The following PTPRE variants were observed in gnomAD, a reference collection of about 807,000 sequenced individuals.
The protein encoded by PTPRE is receptor-type tyrosine-protein phosphatase epsilon.
In PTPRE, 51 loss-of-function variants were observed where a neutral mutation model predicts 102.0. That is an observed-to-expected ratio of 0.50 (90% confidence interval 0.40 to 0.63). The LOEUF is 0.63. Ranked by LOEUF, PTPRE falls within the 30% of genes least tolerant of loss-of-function variation. The pLI is 0.00. For missense variants in PTPRE, 752 were observed against 915.1 expected (o/e 0.82, Z 2.30); for synonymous variants, 345 against 348.2 (o/e 0.99, Z 0.10).
rs115305139 is a variant in PTPRE at position 127,925,798 on chromosome 10, T to C, written c.-31+18489T>C. Reference sequence around the variant, plus strand: ...AACTGCTTGGCGGAGGGAATGTGAGTGAACAGGAAGGACCTCCCCTGGGAG... The same window carrying C: ...AACTGCTTGGCGGAGGGAATGTGAGCGAACAGGAAGGACCTCCCCTGGGAG... On this transcript the variant is annotated intron_variant, in intron 1 of 20. Transcript: ENST00000254667. Among the ~76,000 whole-genome samples, 1,414 of 151,700 alleles carry C rather than the reference T, an allele frequency of 9.3e-3. 17 individuals are homozygous for C. Among genetic ancestry groups the C allele is most frequent in the African/African-American group, 0.032 (1,330 of 41,338 alleles).
intron 2 of PTPRE, among the ~76,000 whole-genome samples, chr10:128,038,314 C>A (rs562567529): frequency 3.5e-4 from 54 of 152,246 alleles, no homozygotes; most frequent in African/African-American, 1.3e-3. Context: ...TGGGTATATA[C>A]CCAAAGGATT....
In PTPRE at chr10:128,069,804, C is replaced by T. The variant is rs1319318158; in HGVS notation, c.1120C>T (p.Arg374Cys). 1.2e-6 allele frequency: 2 copies of T among 1,614,232 alleles called. No homozygotes were observed. Among genetic ancestry groups the T allele is most frequent in the Non-Finnish European group, 1.7e-6 (2 of 1,180,042 alleles). The change falls in exon 13 of 21, where the codon CGC becomes TGC. Residue 374 changes from arginine (R) to cysteine (C), a missense_variant. By Grantham distance (180) the Arg-to-Cys change is radical. Around this residue, in one of 2 missense-constraint regions of PTPRE, gnomAD observed 636 missense variants for 824.4 expected, o/e 0.77. Coordinates refer to ENST00000254667, the MANE Select transcript of PTPRE (RefSeq NM_006504.6). The part of the protein sequence containing the change: ...FEFVSRIRNQ[R>C]PQMVQTDMQY... ...ATTTGTGTCTCGAATCCGTAATCAG[C>T]GCCCTCAGATGGTTCAAACGGATGT...
chr10:128,011,306 G>T (rs536372538), intron 2 of PTPRE, among the ~76,000 whole-genome samples: 1 of 152,208 alleles, frequency 6.6e-6, no homozygotes, highest in Non-Finnish European at 1.5e-5. Context: ...ACTGTAACAC[G>T]GCGAGTGAAT....
intron 2 of PTPRE, among the ~76,000 whole-genome samples, chr10:128,016,030 A>T (rs1845397452): frequency 6.6e-6 from 1 of 152,048 alleles, no homozygotes; most frequent in Non-Finnish European, 1.5e-5. Context: ...GGAGGTGGAG[A>T]TCAGAATGGT....
intron 3 of PTPRE, among the ~76,000 whole-genome samples, chr10:128,046,732 C>T (rs1848123154): frequency 6.6e-6 from 1 of 152,164 alleles, no homozygotes; most frequent in African/African-American, 2.4e-5. Flanking sequence ...GCTGATGAGC[C>T]AGGGGTGGGT....
chr10:127,997,195 C>A (rs1853355832), intron 2 of PTPRE, among the ~76,000 whole-genome samples: 1 of 152,276 alleles, frequency 6.6e-6, no homozygotes. Context: ...TTGATCAATG[C>A]TTTTCCCGGG....
chr10:128,049,012 C>T (rs371969668), intron 5 of PTPRE, among the ~76,000 whole-genome samples: 3 of 152,196 alleles, frequency 2.0e-5, no homozygotes, highest in Non-Finnish European at 2.9e-5. Context: ...TGCCCCTTGT[C>T]ACCCTCCCCA....
At chr10:128,001,751 G>A (rs1396163094) in intron 2 of PTPRE, among the ~76,000 whole-genome samples, 1 of 152,328 alleles carries the variant, frequency 6.6e-6, no homozygotes. Flanking sequence ...GTATGGGAAG[G>A]TTCTTAGTAT....
chr10:128,017,050 A>G (rs1344277623), intron 2 of PTPRE, among the ~76,000 whole-genome samples: 1 of 152,168 alleles, frequency 6.6e-6, no homozygotes, highest in Non-Finnish European at 1.5e-5. Context: ...CGCATTGAGC[A>G]CCTGCTGTAT....
intron 2 of PTPRE, among the ~76,000 whole-genome samples, chr10:127,989,461 C>T (rs1852416965): frequency 6.6e-6 from 1 of 152,112 alleles, no homozygotes; most frequent in Non-Finnish European, 1.5e-5. Context: ...AGGCAGCAGT[C>T]CAGGCATGCC....
intron 2 of PTPRE, among the ~76,000 whole-genome samples, chr10:128,010,195 T>C (rs187122915): frequency 4.1e-4 from 63 of 152,344 alleles, no homozygotes; most frequent in African/African-American, 1.4e-3. Flanking sequence ...GGGTGGTTTG[T>C]AGCCCCTCTG....
chr10:127,909,239 AT>A (rs1159589429), intron 1 of PTPRE, among the ~76,000 whole-genome samples: 1 of 152,112 alleles, frequency 6.6e-6, no homozygotes, highest in Non-Finnish European at 1.5e-5. Context: ...GTGTGTGTAC[AT>A]CCTTGCCCCT....
chr10:127,935,381 C>A (rs1847774883), intron 1 of PTPRE, among the ~76,000 whole-genome samples: 1 of 152,176 alleles, frequency 6.6e-6, no homozygotes, highest in Admixed American at 6.5e-5. Flanking sequence ...TCAGCCCAAC[C>A]CACATCCCAG....
intron 2 of PTPRE, among the ~76,000 whole-genome samples, chr10:128,030,846 C>T (rs560816081): frequency 4.7e-4 from 72 of 152,250 alleles, no homozygotes; most frequent in African/African-American, 1.6e-3. Context: ...CTCCTTGGAC[C>T]GGCTGACTCC....
intron 1 of PTPRE, among the ~76,000 whole-genome samples, chr10:127,970,377 T>C (rs931504041): frequency 1.3e-5 from 2 of 152,134 alleles, no homozygotes; most frequent in African/African-American, 4.8e-5. Flanking sequence ...GCAGAATTCG[T>C]TGGAATCAGA....
At chr10:128,075,251 C>T (rs74232760) in intron 17 of PTPRE, among the ~76,000 whole-genome samples, 2,394 of 152,290 alleles carry the variant, frequency 0.016, 87 homozygotes, top group East Asian at 0.14. Flanking sequence ...GGTTTCATTT[C>T]GTTGTTTTAC....
intron 2 of PTPRE, among the ~76,000 whole-genome samples, chr10:127,988,568 G>A (rs1410573095): frequency 6.6e-6 from 1 of 152,162 alleles, no homozygotes; most frequent in East Asian, 1.9e-4. Flanking sequence ...GTCTCCCAAA[G>A]TGCTGGGATT....
chr10:128,028,960 T>C lies in PTPRE; in HGVS notation c.-7-11915T>C, dbSNP rs1224113365. On this transcript the variant is annotated intron_variant, in intron 2 of 20. Transcript: ENST00000254667. This position sits in a 1 kb window ranked among gnomAD's most constrained non-coding sequence, Gnocchi z 4.5. ...TCTGCTCAGGGTCCCCCCAGAGGCC[T>C]CCCGCTGGGATTTGTCTCCACTTTG... Among the ~76,000 whole-genome samples, 1 of 152,160 alleles carries C rather than the reference T, an allele frequency of 6.6e-6. No individual in the cohort carries two copies. The highest frequency in any genetic ancestry group is 1.5e-5 in the Non-Finnish European group (1 of 68,012).
chr10:127,907,297 C>CG lies in PTPRE; in HGVS notation c.-41dup. 2 of 984,746 alleles carry CG rather than the reference C, an allele frequency of 2.0e-6. No homozygotes were observed. Among genetic ancestry groups the CG allele is most frequent in the Non-Finnish European group, 2.4e-6 (2 of 829,720 alleles). 61.0% of individuals were successfully genotyped at this position (984,746 alleles called of 1,614,324 possible). A position where few individuals can be genotyped will look rare whatever the true frequency, so the allele number is the denominator to read the frequency against. On this transcript the variant is annotated 5_prime_UTR_variant, in exon 1 of 21. An upstream open reading frame in the 5' UTR loses its in-frame stop. Transcript: ENST00000254667. The surrounding 1 kb of genome is among the most constrained non-coding windows in gnomAD (Gnocchi z 4.8). ...TGCAGCGCGATCTGCGCGACCAGAC[C>CG]GGCCCCCCCGAGGTGAGCGCGCGTG... is the stretch of plus-strand genomic sequence containing the variant.
Sources: allele counts gnomAD v4.1 joint callset (sites outside exome capture counted in the v4.1 genomes callset), GRCh38; gene constraint gnomAD v4.1.1; regional missense constraint gnomAD v4.1.1; non-coding constraint Gnocchi (gnomAD v3.1); transcripts MANE v1.5; gene names NCBI Gene and HGNC (gene_info 2026-07-23, HGNC 2026-07-21).